The following WNT4 variants were observed in gnomAD, a reference collection of about 807,000 sequenced individuals.
WNT4 encodes protein Wnt-4.
A neutral mutation model predicts 34.5 loss-of-function variants in WNT4; 16 were observed. The observed-to-expected ratio is 0.46, with a 90% CI of 0.31 to 0.70. WNT4 has a LOEUF of 0.70. Ranked by LOEUF, WNT4 falls within the 30% of genes least tolerant of loss-of-function variation. WNT4 has a pLI of 0.04. For missense variants in WNT4, 379 were observed against 495.9 expected, an observed-to-expected ratio of 0.76 and a Z score of 2.24; for synonymous variants, 200 against 211.9, an observed-to-expected ratio of 0.94 and a Z score of 0.49.
At chr1:22,131,868 A>T (rs1306775849) in intron 1 of WNT4, among the ~76,000 whole-genome samples, 3 of 152,056 alleles carry the variant, frequency 2.0e-5, no homozygotes, top group East Asian at 1.9e-4. Context: ...GGATGCACAG[A>T]CTGGTGGTGT....
rs1251453062 is a variant in WNT4, at chr1:22,119,953, C to G, written c.*97G>C. 2.1e-6 allele frequency: 3 copies of G among 1,446,788 alleles called. No individual in the cohort carries two copies. The highest frequency in any genetic ancestry group is 2.4e-4 in the Middle Eastern group (1 of 4,142). 89.6% of individuals were successfully genotyped at this position (1,446,788 alleles called of 1,614,324 possible). On this transcript the variant is annotated 3_prime_UTR_variant, in exon 5 of 5. Coordinates refer to ENST00000290167, the MANE Select transcript of WNT4 (RefSeq NM_030761.5). Reference sequence around the variant, plus strand: ...AAAAACCAAACCAGAACAAAAAATACAACCAGTATCTCTTGGGGTAGGTGG... The same window carrying G: ...AAAAACCAAACCAGAACAAAAAATAGAACCAGTATCTCTTGGGGTAGGTGG...
At chr1:22,127,086 G>A in intron 2 of WNT4, 1 of 353,552 alleles carries the variant, frequency 2.8e-6, no homozygotes, top group South Asian at 2.2e-5. Flanking sequence ...AAACGTAAAA[G>A]GGAGGAGTTT....
rs1557921013 is a variant in WNT4, at chr1:22,119,217, TG to T, written c.*832del. The T allele has an allele frequency of 4.7e-3, 652 of 139,214 alleles. 12 individuals carry two copies. The highest frequency in any genetic ancestry group is 0.016 in the African/African-American group (543 of 33,912). The allele number at this position is 139,214 out of a possible 1,614,324, so 8.6% of individuals were successfully genotyped here. A position where few individuals can be genotyped will look rare whatever the true frequency, so the allele number is the denominator to read the frequency against. On this transcript the variant is annotated 3_prime_UTR_variant, in exon 5 of 5. Coordinates refer to ENST00000290167, the MANE Select transcript of WNT4 (RefSeq NM_030761.5). Reference sequence around the variant, plus strand: ...GTGTGTGTGTGTGTGTGTGTGTGTGTGTGTGTGTGTGTTTCAGTTTCATGGA... The same window carrying T: ...GTGTGTGTGTGTGTGTGTGTGTGTGTTGTGTGTGTGTTTCAGTTTCATGGA...
At chr1:22,132,302 G>C (rs1441234892) in intron 1 of WNT4, among the ~76,000 whole-genome samples, 2 of 152,230 alleles carry the variant, frequency 1.3e-5, no homozygotes, top group African/African-American at 4.8e-5. Flanking sequence ...ATGCAGCCAA[G>C]AAGGCTGCAT....
At chr1:22,121,394 G>A in intron 3 of WNT4, 41 bp from the exon 4 acceptor site, 2 of 1,613,718 alleles carry the variant, frequency 1.2e-6, no homozygotes, top group Middle Eastern at 1.6e-4. Flanking sequence ...GGTGAGTGAG[G>A]GCCAGGGCCA....
intron 4 of WNT4, 29 bp downstream of exon 4, chr1:22,121,182 G>A (rs546351892): frequency 5.6e-6 from 9 of 1,613,078 alleles, no homozygotes; most frequent in Non-Finnish European, 7.6e-6. Flanking sequence ...TCCCTACCCC[G>A]CTCTTGGTGG....
rs369419538 is a variant in WNT4, at chr1:22,119,859, TTGGGGAGGC to T, written c.*182_*190del. On this transcript the variant is annotated 3_prime_UTR_variant, in exon 5 of 5. Transcript: ENST00000290167. ...AGTGGCAGCCACAAAGGCCCAGGCTTTGGGGAGGCCCTGGTTGGTGCCCTTGGGGTTGCC... is the reference window on the plus strand; with the variant it reads ...AGTGGCAGCCACAAAGGCCCAGGCTTCCTGGTTGGTGCCCTTGGGGTTGCC... 1.5e-4 allele frequency: 103 copies of T among 688,226 alleles called. 1 individual carries two copies. The African/African-American group carries it at 1.8e-3, about 12-fold the overall frequency. The allele number at this position is 688,226 out of a possible 1,614,324, so 42.6% of individuals were successfully genotyped here. A position where few individuals can be genotyped will look rare whatever the true frequency, so the allele number is the denominator to read the frequency against.
At chr1:22,124,897 A>G (rs1374592604) in intron 2 of WNT4, among the ~76,000 whole-genome samples, 1 of 152,138 alleles carries the variant, frequency 6.6e-6, no homozygotes, top group East Asian at 1.9e-4. Flanking sequence ...CAGGACAGGC[A>G]CTGTCTCCCA....
At position 22,139,576 on chromosome 1, in the gene WNT4, CCA is replaced by C. The variant is rs758594296; in HGVS notation, c.77+3268_77+3269del. On this transcript the variant is annotated intron_variant, in intron 1 of 4. Coordinates refer to ENST00000290167, the MANE Select transcript of WNT4 (RefSeq NM_030761.5). This position sits in a 1 kb window ranked among gnomAD's most constrained non-coding sequence, Gnocchi z 4.6. ...CTACCCCACTACTTTCCTCAGAAATCCACAGTCCTGAAACCTTAGCTTATTTA... is the reference window on the plus strand; with the variant it reads ...CTACCCCACTACTTTCCTCAGAAATCCAGTCCTGAAACCTTAGCTTATTTA... Among the ~76,000 whole-genome samples the C allele has an allele frequency of 2.6e-5, 4 of 152,178 alleles. No individual in the cohort carries two copies. The highest frequency in any genetic ancestry group is 4.8e-5 in the African/African-American group (2 of 41,438).
At chr1:22,126,119 A>G (rs1053834234) in intron 2 of WNT4, among the ~76,000 whole-genome samples, 2 of 152,184 alleles carry the variant, frequency 1.3e-5, no homozygotes, top group African/African-American at 4.8e-5. Flanking sequence ...GCCAGATACC[A>G]TCTTTACCAA....
chr1:22,140,275 CT>C lies in WNT4; in HGVS notation c.77+2570del, dbSNP rs929404536. The C allele has an allele frequency of 5.3e-5, 52 of 985,490 alleles. No individual in the cohort carries two copies. In the African/African-American group the frequency reaches 8.0e-4, roughly 15 times the overall value. 61.0% of individuals were successfully genotyped at this position (985,490 alleles called of 1,614,324 possible). On this transcript the variant is annotated intron_variant, in intron 1 of 4. Coordinates refer to ENST00000290167, the MANE Select transcript of WNT4 (RefSeq NM_030761.5). This position sits in a 1 kb window ranked among gnomAD's most constrained non-coding sequence, Gnocchi z 5.9. Reference sequence around the variant, plus strand: ...CCGAAGCTTTTCCTTCTAGAGGCAGCTTTTCAGTCGGACACCTCTGGCATTT... The same window carrying C: ...CCGAAGCTTTTCCTTCTAGAGGCAGCTTTCAGTCGGACACCTCTGGCATTT...
intron 1 of WNT4, among the ~76,000 whole-genome samples, chr1:22,130,727 A>C (rs1376665415): frequency 6.6e-6 from 1 of 152,224 alleles, no homozygotes. Context: ...TGCTACCTGG[A>C]GCAAGAGGGA....
intron 2 of WNT4, among the ~76,000 whole-genome samples, chr1:22,128,418 G>C (rs1444196260): frequency 6.6e-6 from 1 of 152,230 alleles, no homozygotes; most frequent in Non-Finnish European, 1.5e-5. Context: ...ACTTCCTTGA[G>C]GGCGGGAGCT....
chr1:22,127,181 T>C (rs1321790064), intron 2 of WNT4: 7 of 420,932 alleles, frequency 1.7e-5, no homozygotes, highest in South Asian at 1.2e-4. Flanking sequence ...CACCTTGACA[T>C]GTCCCTCTCC....
intron 1 of WNT4, among the ~76,000 whole-genome samples, chr1:22,133,181 G>GCCCTT (rs1372085417): frequency 2.6e-5 from 4 of 152,118 alleles, no homozygotes; most frequent in Non-Finnish European, 5.9e-5. Flanking sequence ...GGCTAACACT[G>GCCCTT]CCCTTGGTGC....
intron 1 of WNT4, among the ~76,000 whole-genome samples, chr1:22,138,379 T>C (rs1646038177): frequency 6.6e-6 from 1 of 151,460 alleles, no homozygotes; most frequent in Admixed American, 6.6e-5. Context: ...TTGCCAACCA[T>C]TGATTCCTGG....
rs181041236 is a variant in WNT4, at chr1:22,137,148, C to A, written c.77+5698G>T. ...TTCCTCCTCCCACCTCCCTCCCGCT[C>A]TCTCCTCAGACCAGGTCCCCTCCTC... On this transcript the variant is annotated intron_variant, in intron 1 of 4. Transcript: ENST00000290167. The surrounding 1 kb of genome is among the most constrained non-coding windows in gnomAD (Gnocchi z 5.3). 3.3e-5 allele frequency among the ~76,000 whole-genome samples: 5 copies of A among 152,326 alleles called. No homozygotes were observed. Among genetic ancestry groups the A allele is most frequent in the South Asian group, 2.1e-4 (1 of 4,826 alleles).
Position 22,140,378 on chromosome 1 carries a change from G to C in WNT4, c.77+2468C>G, listed in dbSNP as rs1387643138. 1.8e-6 allele frequency: 1 copy of C among 558,504 alleles called. No homozygotes were observed. The highest frequency in any genetic ancestry group is 2.3e-6 in the Non-Finnish European group (1 of 439,974). The allele number at this position is 558,504 out of a possible 1,614,324, so 34.6% of individuals were successfully genotyped here. A position where few individuals can be genotyped will look rare whatever the true frequency, so the allele number is the denominator to read the frequency against. On this transcript the variant is annotated intron_variant, in intron 1 of 4. Transcript: ENST00000290167. The surrounding 1 kb of genome is among the most constrained non-coding windows in gnomAD (Gnocchi z 5.9). ...TGTAACGGGATTGAAACGTTGTTGG[G>C]ATTTAGATCATGCTGTGGGAGTCAT...
In WNT4 at chr1:22,119,857, C is replaced by CT; in HGVS notation, c.*192dup. Reference sequence around the variant, plus strand: ...TCAGTGGCAGCCACAAAGGCCCAGGCTTTGGGGAGGCCCTGGTTGGTGCCC... The same window carrying CT: ...TCAGTGGCAGCCACAAAGGCCCAGGCTTTTGGGGAGGCCCTGGTTGGTGCCC... On this transcript the variant is annotated 3_prime_UTR_variant, in exon 5 of 5. Transcript: ENST00000290167. 3 of 686,980 alleles carry CT rather than the reference C, an allele frequency of 4.4e-6. No homozygotes were observed. Among genetic ancestry groups the CT allele is most frequent in the Non-Finnish European group, 7.3e-6 (3 of 413,054 alleles). The allele number at this position is 686,980 out of a possible 1,614,324, so 42.6% of individuals were successfully genotyped here.
Sources: gnomAD v4.1 joint callset for allele counts (sites outside exome capture counted in the v4.1 genomes callset) on GRCh38, gnomAD v4.1.1 for gene constraint, Gnocchi (gnomAD v3.1) non-coding constraint, MANE v1.5 for transcripts, NCBI Gene and HGNC (gene_info 2026-07-23, HGNC 2026-07-21) for gene names.